Variants in NEMP2 observed in about 807,000 individuals in gnomAD.
NEMP2 encodes UPF0571 transmembrane protein.
In NEMP2, 53 loss-of-function variants were observed where a neutral mutation model predicts 54.2. The ratio of observed to expected loss-of-function variants is 0.98; its 90% CI spans 0.78 to 1.23. NEMP2 has a LOEUF of 1.23. NEMP2 is among the 50% of genes most tolerant of loss of function. The pLI is 0.00. For missense variants in NEMP2, 455 were observed against 511.3 expected (o/e 0.89, Z 1.06); for synonymous variants, 197 against 190.3 (o/e 1.04, Z -0.29).
chr2:190,471,978 AG>A, the NEMP2 span, among the ~76,000 whole-genome samples: 1 of 152,226 alleles, frequency 6.6e-6, no homozygotes, highest in Non-Finnish European at 1.5e-5. This position sits in a 1 kb window ranked among gnomAD's most constrained non-coding sequence, Gnocchi z 4.7. Context: ...CCAGGCAAAC[AG>A]GGTCTGGAGT....
the NEMP2 span, among the ~76,000 whole-genome samples, chr2:190,472,081 C>T: frequency 6.6e-6 from 1 of 152,120 alleles, no homozygotes; most frequent in African/African-American, 2.4e-5. Context: ...ACACCAAAAC[C>T]CCATCTGTAC....
the NEMP2 span, among the ~76,000 whole-genome samples, chr2:190,567,648 CATTT>C: frequency 5.3e-5 from 8 of 151,946 alleles, no homozygotes; most frequent in Admixed American, 2.6e-4. This position sits in a 1 kb window ranked among gnomAD's most constrained non-coding sequence, Gnocchi z 4.0. Context: ...GGGATAATTT[CATTT>C]ATTTATTTAT....
At chr2:190,518,865 G>C in intron 3 of NEMP2, 57 bp from the exon 4 acceptor site, 1 of 1,514,856 alleles carries the variant, frequency 6.6e-7, no homozygotes. Flanking sequence ...ATGTAATGTT[G>C]GTAAAAGAAG....
chr2:190,499,851 T>C (rs2125281024), downstream of NEMP2: 1 of 1,547,742 alleles, frequency 6.5e-7, no homozygotes, highest in African/African-American at 1.4e-5. This position sits in a 1 kb window ranked among gnomAD's most constrained non-coding sequence, Gnocchi z 6.0. Context: ...GGAAAGGAGA[T>C]GAAAGGTAAG....
At chr2:190,594,057 G>A in the NEMP2 span, among the ~76,000 whole-genome samples, 1 of 152,154 alleles carries the variant, frequency 6.6e-6, no homozygotes, top group African/African-American at 2.4e-5. The surrounding 1 kb of genome is among the most constrained non-coding windows in gnomAD (Gnocchi z 5.6). Context: ...TGCCCTATTG[G>A]CTCTGCTTAC....
chr2:190,438,094 G>A, the NEMP2 span, among the ~76,000 whole-genome samples: 1 of 152,018 alleles, frequency 6.6e-6, no homozygotes, highest in African/African-American at 2.4e-5. The surrounding 1 kb of genome is among the most constrained non-coding windows in gnomAD (Gnocchi z 5.2). Context: ...ACATGGATGA[G>A]GTTCTTAAGT....
At chr2:190,601,214 T>G in the NEMP2 span, among the ~76,000 whole-genome samples, 1 of 152,046 alleles carries the variant, frequency 6.6e-6, no homozygotes, top group Non-Finnish European at 1.5e-5. The surrounding 1 kb of genome is among the most constrained non-coding windows in gnomAD (Gnocchi z 5.8). Flanking sequence ...GAACACTGTG[T>G]GAAGATTGGA....
chr2:190,620,713 A>G, the NEMP2 span, among the ~76,000 whole-genome samples: 2 of 152,230 alleles, frequency 1.3e-5, no homozygotes, highest in South Asian at 4.1e-4. This position sits in a 1 kb window ranked among gnomAD's most constrained non-coding sequence, Gnocchi z 4.9. Flanking sequence ...AAAAGACAAG[A>G]AGGCCCACTC....
At chr2:190,539,599 A>G (rs1050383530), upstream of NEMP2, among the ~76,000 whole-genome samples, 11 of 151,976 alleles carry the variant, frequency 7.2e-5, no homozygotes, top group Non-Finnish European at 1.0e-4. The surrounding 1 kb of genome is among the most constrained non-coding windows in gnomAD (Gnocchi z 4.1). Context: ...TTCTTTCATC[A>G]GTGTTTTATA....
At chr2:190,592,129 G>A in the NEMP2 span, among the ~76,000 whole-genome samples, 19 of 152,240 alleles carry the variant, frequency 1.2e-4, no homozygotes, top group East Asian at 2.7e-3. The surrounding 1 kb of genome is among the most constrained non-coding windows in gnomAD (Gnocchi z 4.4). Context: ...CAGAGGTGCA[G>A]GGGGGAAAAG....
chr2:190,630,323 T>A, the NEMP2 span, among the ~76,000 whole-genome samples: 1 of 152,152 alleles, frequency 6.6e-6, no homozygotes, highest in Admixed American at 6.5e-5. This position sits in a 1 kb window ranked among gnomAD's most constrained non-coding sequence, Gnocchi z 5.5. Flanking sequence ...GTTCAAGCCA[T>A]TCTCTTGCCT....
At chr2:190,581,493 T>G in the NEMP2 span, among the ~76,000 whole-genome samples, 1 of 152,176 alleles carries the variant, frequency 6.6e-6, no homozygotes, top group African/African-American at 2.4e-5. Context: ...CTACTTTATA[T>G]GCTGTGATGT....
At chr2:190,453,605 G>A in the NEMP2 span, among the ~76,000 whole-genome samples, 1 of 152,172 alleles carries the variant, frequency 6.6e-6, no homozygotes, top group African/African-American at 2.4e-5. Context: ...TGCTTCTAAC[G>A]TGGGCATAAA....
the NEMP2 span, among the ~76,000 whole-genome samples, chr2:190,445,654 A>C: frequency 1.3e-5 from 2 of 152,212 alleles, no homozygotes; most frequent in Non-Finnish European, 2.9e-5. Context: ...AATTTATTTC[A>C]TATGATGGTG....
the NEMP2 span, among the ~76,000 whole-genome samples, chr2:190,612,445 C>T: frequency 1.3e-5 from 2 of 152,188 alleles, no homozygotes; most frequent in African/African-American, 2.4e-5. Context: ...TGAGCCACTG[C>T]GCCCGGCCAC....
At chr2:190,497,980 ATAAAT>A in the NEMP2 span, 1 of 322,490 alleles carries the variant, frequency 3.1e-6, no homozygotes, top group Admixed American at 4.4e-5. The surrounding 1 kb of genome is among the most constrained non-coding windows in gnomAD (Gnocchi z 5.2). Flanking sequence ...AAGAAATAAA[ATAAAT>A]TAATCCATTC....
At chr2:190,436,702 A>T in the NEMP2 span, 2 of 1,614,144 alleles carry the variant, frequency 1.2e-6, no homozygotes, top group Non-Finnish European at 1.7e-6. The surrounding 1 kb of genome is among the most constrained non-coding windows in gnomAD (Gnocchi z 5.3). Context: ...CAGTGAACCC[A>T]CTCTGCAGCC....
At chr2:190,568,561 G>A in the NEMP2 span, among the ~76,000 whole-genome samples, 2 of 152,038 alleles carry the variant, frequency 1.3e-5, no homozygotes, top group Admixed American at 6.5e-5. This position sits in a 1 kb window ranked among gnomAD's most constrained non-coding sequence, Gnocchi z 4.7. Context: ...AGTGGCTTAC[G>A]CTTGTAATCC....
chr2:190,589,730 A>G, the NEMP2 span, among the ~76,000 whole-genome samples: 2 of 152,204 alleles, frequency 1.3e-5, no homozygotes, highest in African/African-American at 4.8e-5. The surrounding 1 kb of genome is among the most constrained non-coding windows in gnomAD (Gnocchi z 4.3). Flanking sequence ...CCATGGACAG[A>G]ACTCAAGCTG....
Sources: gnomAD v4.1 joint callset for allele counts (sites outside exome capture counted in the v4.1 genomes callset) on GRCh38, gnomAD v4.1.1 for gene constraint, Gnocchi (gnomAD v3.1) non-coding constraint, MANE v1.5 for transcripts, NCBI Gene and HGNC (gene_info 2026-07-23, HGNC 2026-07-21) for gene names.